DNMBP: variants seen among roughly 807,000 people sequenced by gnomAD.
DNMBP encodes the protein dynamin-binding protein.
In DNMBP, 87 loss-of-function variants were observed where a neutral mutation model predicts 150.0. That is an observed-to-expected ratio of 0.58 (90% CI 0.49 to 0.69). DNMBP has a LOEUF of 0.69. Among genes scored for constraint, DNMBP ranks in the 30% least tolerant of loss-of-function variants. The pLI, the probability that DNMBP is intolerant of heterozygous loss-of-function variation, is 0.00. For synonymous variants in DNMBP, 711 were observed against 750.4 expected (o/e 0.95, Z 0.86); for missense variants, 1,774 against 1,949.0 (o/e 0.91, Z 1.69).
At chr10:99,886,772 C>T (rs2039473885) in intron 12 of DNMBP, 140 bp from the exon 13 acceptor site, 2 of 697,626 alleles carry the variant, frequency 2.9e-6, no homozygotes, top group Non-Finnish European at 4.8e-6. Flanking sequence ...CCATACAGAT[C>T]TACAACAGTA....
chr10:99,885,707 G>C lies in DNMBP; in HGVS notation c.3778C>G (p.Arg1260Gly), dbSNP rs1170276765. ...ERKTIDRQSA[R>G]KPLLGLPSYM... ...CTCACCAGGCCCAGGAGTGGCTTTC[G>C]AGCAGACTGGCGGTCAATGGTTTTC... is the stretch of plus-strand genomic sequence containing the variant. Residue 1260 changes from arginine (R) to glycine (G), a missense_variant, in exon 14 of 17, where the codon CGA (arginine) becomes GGA (glycine). Transcript: ENST00000324109. The C allele has an allele frequency of 2.5e-6, 4 of 1,575,138 alleles. No individual in the cohort carries two copies. Among genetic ancestry groups the C allele is most frequent in the Admixed American group, 3.7e-5 (2 of 54,730 alleles).
At chr10:99,880,558 C>T (rs2039351494) in intron 15 of DNMBP, among the ~76,000 whole-genome samples, 197 bp from the exon 16 acceptor site, 1 of 152,166 alleles carries the variant, frequency 6.6e-6, no homozygotes. Flanking sequence ...AACACTCAGT[C>T]CCAGGATGTG....
rs55754467 is a variant in DNMBP at position 99,948,965 on chromosome 10, A to AAAATAAATAAAT, written c.2260+6237_2260+6248dup. ...GCAACAAGAGTGAGACTCCATCTCA[A>AAAATAAATAAAT]AAATAAATAAATAAATAAATAAATA... On this transcript the variant is annotated intron_variant, in intron 4 of 16. Transcript: ENST00000324109. Among the ~76,000 whole-genome samples the AAAATAAATAAAT allele has an allele frequency of 1.9e-3, 263 of 137,214 alleles. 1 individual carries two copies. The highest frequency in any genetic ancestry group is 2.7e-3 in the Non-Finnish European group (174 of 63,996). 90.0% of individuals were successfully genotyped at this position (137,214 alleles called of 152,430 possible).
chr10:99,955,243 C>T lies in DNMBP; in HGVS notation c.2231G>A (p.Ser744Asn), dbSNP rs781393655. 1.2e-6 allele frequency: 2 copies of T among 1,613,878 alleles called. No homozygotes were observed. The highest frequency in any genetic ancestry group is 2.2e-5 in the South Asian group (2 of 91,018). ...TAGTTGCTGGAGTTCCATATTCAAA[C>T]TTTCAATGTTACTTTCACAGAACTT... ...DLKFCESNIE[S>N]LNMELQQLRE... Residue 744 changes from serine (S) to asparagine (N), a missense_variant, in exon 4 of 17, where the codon AGT (serine) becomes AAT (asparagine). Transcript: ENST00000324109.
At chr10:99,976,362 T>G (rs2040727423) in intron 1 of DNMBP, among the ~76,000 whole-genome samples, 1 of 152,232 alleles carries the variant, frequency 6.6e-6, no homozygotes, top group East Asian at 1.9e-4. Context: ...GACTTACTCT[T>G]TGGCTGATGG....
At position 99,877,105 on chromosome 10, in the gene DNMBP, G is replaced by GAATCATTAAAAAA; in HGVS notation, c.*45_*46insTTTTTTAATGATT. 2 of 1,460,972 alleles carry GAATCATTAAAAAA rather than the reference G, an allele frequency of 1.4e-6. No homozygotes were observed. Among genetic ancestry groups the GAATCATTAAAAAA allele is most frequent in the Admixed American group, 2.2e-5 (1 of 46,002 alleles). 90.5% of individuals were successfully genotyped at this position (1,460,972 alleles called of 1,614,324 possible). Reference sequence around the variant, plus strand: ...TCGGTGGGCCGCCAGAACCCTCGGCGGACTGAAAGCAAAGGCAGCAAGGCT... The same window carrying GAATCATTAAAAAA: ...TCGGTGGGCCGCCAGAACCCTCGGCGAATCATTAAAAAAGACTGAAAGCAAAGGCAGCAAGGCT... On this transcript the variant is annotated 3_prime_UTR_variant, in exon 17 of 17. Transcript: ENST00000324109.
chr10:99,984,166 A>T (rs79429957), intron 1 of DNMBP, among the ~76,000 whole-genome samples: 6,243 of 152,202 alleles, frequency 0.041, 128 homozygotes, highest in South Asian at 0.087. Context: ...TTGTCTTTTT[A>T]ATGAAACTGC....
intron 1 of DNMBP, among the ~76,000 whole-genome samples, chr10:99,980,247 C>G (rs187812885): frequency 6.6e-6 from 1 of 152,208 alleles, no homozygotes; most frequent in African/African-American, 2.4e-5. Flanking sequence ...GAGTTCAAGA[C>G]AAGCCTGGCC....
intron 6 of DNMBP, among the ~76,000 whole-genome samples, chr10:99,907,158 CA>C (rs375650729): frequency 1.9e-4 from 28 of 147,788 alleles, no homozygotes; most frequent in Non-Finnish European, 3.2e-4. Context: ...TCCATCTCTA[CA>C]AAAAAAAAAT....
chr10:99,930,531 T>C (rs1353359313), intron 4 of DNMBP: 3 of 703,040 alleles, frequency 4.3e-6, no homozygotes, highest in South Asian at 3.0e-5. Flanking sequence ...ACAGTCCATA[T>C]AGCTTGGTTC....
chr10:99,966,458 C>T (rs1047688825), intron 3 of DNMBP, among the ~76,000 whole-genome samples: 3 of 152,192 alleles, frequency 2.0e-5, no homozygotes, highest in Non-Finnish European at 4.4e-5. Context: ...AGGTGACTCA[C>T]GATGCCAGAT....
At chr10:99,905,395 T>C (rs2039811795) in intron 6 of DNMBP, among the ~76,000 whole-genome samples, 1 of 152,232 alleles carries the variant, frequency 6.6e-6, no homozygotes, top group African/African-American at 2.4e-5. Context: ...CCATGTGACC[T>C]GGGCAAATTA....
At chr10:99,919,813 T>G (rs1330301524) in intron 4 of DNMBP, among the ~76,000 whole-genome samples, 1 of 152,214 alleles carries the variant, frequency 6.6e-6, no homozygotes, top group African/African-American at 2.4e-5. Context: ...TATGGAAAGC[T>G]GAAATGTCCT....
At position 99,877,397 on chromosome 10, in the gene DNMBP, G is replaced by C. The variant is rs370052220; in HGVS notation, c.4549-61C>G. ...GGGAGCAATGCCATCCAACAGCTTC[G>C]TGCGGTGTTGGGGAGGGTTCCACAT... On this transcript the variant is annotated intron_variant, in intron 16 of 16. Transcript: ENST00000324109. The C allele has an allele frequency of 1.1e-5, 16 of 1,420,266 alleles. No individual in the cohort carries two copies. The African/African-American group carries it at 2.0e-4, about 18-fold the overall frequency. 88.0% of individuals were successfully genotyped at this position (1,420,266 alleles called of 1,614,324 possible).
At chr10:99,995,031 C>T (rs1277715432) in intron 1 of DNMBP, among the ~76,000 whole-genome samples, 1 of 151,636 alleles carries the variant, frequency 6.6e-6, no homozygotes. Flanking sequence ...GCTGGGCATG[C>T]GCCACTGTGC....
intron 4 of DNMBP, among the ~76,000 whole-genome samples, chr10:99,918,063 G>A (rs138303419): frequency 3.3e-5 from 5 of 151,442 alleles, no homozygotes; most frequent in East Asian, 3.9e-4. Context: ...GCCTAGCAAC[G>A]CATCTAGAAG....
rs1212092392 is a variant in DNMBP at position 99,891,173 on chromosome 10, C to CCT, written c.3157-2222_3157-2221dup. The stretch of plus-strand genomic sequence containing the variant: ...AACTCCCTCTCCCTCTCCCCCTCTC[C>CCT]CTCCCCCTCTCCCTCTCCCCACCGT... On this transcript the variant is annotated intron_variant, in intron 11 of 16. Transcript: ENST00000324109. Among the ~76,000 whole-genome samples, 150 of 146,950 alleles carry CCT rather than the reference C, an allele frequency of 1.0e-3. 1 individual carries two copies. The highest frequency in any genetic ancestry group is 3.6e-3 in the African/African-American group (146 of 40,034).
In DNMBP at chr10:99,962,989, G is replaced by C. The variant is rs2997832; in HGVS notation, c.269-5784C>G. Reference sequence around the variant, plus strand: ...TTTCTACACAGTAAAGGTGAATCTTGAAAAACATACACAATTTAGAACCTG... The same window carrying C: ...TTTCTACACAGTAAAGGTGAATCTTCAAAAACATACACAATTTAGAACCTG... On this transcript the variant is annotated intron_variant, in intron 3 of 16. Coordinates refer to ENST00000324109, the MANE Select transcript of DNMBP (RefSeq NM_015221.4). Among the ~76,000 whole-genome samples the C allele has an allele frequency of 4.9e-3, 744 of 152,236 alleles. 5 individuals are homozygous for C. The highest frequency in any genetic ancestry group is 0.017 in the South Asian group (83 of 4,814).
intron 4 of DNMBP, among the ~76,000 whole-genome samples, chr10:99,946,151 T>A (rs961806243): frequency 2.0e-5 from 3 of 152,150 alleles, no homozygotes; most frequent in African/African-American, 4.8e-5. Context: ...AGAGACAGGG[T>A]TTCACCATGT....
Sources: allele counts gnomAD v4.1 joint callset (sites outside exome capture counted in the v4.1 genomes callset), GRCh38; gene constraint gnomAD v4.1.1; transcripts MANE v1.5; gene names NCBI Gene and HGNC (gene_info 2026-07-23, HGNC 2026-07-21).